ADAMTS3: variants seen among roughly 807,000 people sequenced by gnomAD.
ADAMTS3 encodes ADAM metallopeptidase with thrombospondin type 1 motif 3.
ADAMTS3 carries 73 observed loss-of-function variants against 129.0 expected under a neutral mutation model. The ratio of observed to expected loss-of-function variants is 0.57; its 90% CI spans 0.47 to 0.69. ADAMTS3 has a LOEUF of 0.69. Ranked by LOEUF, ADAMTS3 falls within the 30% of genes least tolerant of loss-of-function variation. The pLI, the probability that ADAMTS3 is intolerant of heterozygous loss-of-function variation, is 0.00. For missense variants in ADAMTS3, 1,457 were observed against 1,514.5 expected, an observed-to-expected ratio of 0.96 and a Z score of 0.63; for synonymous variants, 477 against 510.8, an observed-to-expected ratio of 0.93 and a Z score of 0.89.
At chr4:72,486,310 A>G (rs1719590102) in intron 3 of ADAMTS3, among the ~76,000 whole-genome samples, 1 of 152,208 alleles carries the variant, frequency 6.6e-6, no homozygotes, top group Non-Finnish European at 1.5e-5. Flanking sequence ...ATGTATTTTC[A>G]TCATTGTAGT....
chr4:72,397,963 T>A (rs1721768762), intron 4 of ADAMTS3, among the ~76,000 whole-genome samples: 1 of 152,056 alleles, frequency 6.6e-6, no homozygotes. Context: ...ACTACTGCAT[T>A]GTAGAAGAAG....
At position 72,318,821 on chromosome 4, in the gene ADAMTS3, C is replaced by T. The variant is rs1719469951; in HGVS notation, c.1353-117G>A. On this transcript the variant is annotated intron_variant, in intron 9 of 21. Transcript: ENST00000286657. ...TAGAATTTCATCCCAGATCATACAG[C>T]AAATTTGCAAAAACATGTATTTAAG... 3 of 1,071,482 alleles carry T rather than the reference C, an allele frequency of 2.8e-6. No individual in the cohort carries two copies. In the South Asian group the frequency reaches 5.5e-5, roughly 20 times the overall value. The allele number at this position is 1,071,482 out of a possible 1,614,324, so 66.4% of individuals were successfully genotyped here. A position where few individuals can be genotyped will look rare whatever the true frequency, so the allele number is the denominator to read the frequency against.
chr4:72,538,889 G>A (rs1252960963), intron 3 of ADAMTS3, among the ~76,000 whole-genome samples: 1 of 152,078 alleles, frequency 6.6e-6, no homozygotes, highest in Non-Finnish European at 1.5e-5. Context: ...TTTCAGAAAG[G>A]GGTGCCAAGA....
intron 4 of ADAMTS3, among the ~76,000 whole-genome samples, chr4:72,376,241 G>A (rs1202192555): frequency 6.6e-6 from 1 of 152,138 alleles, no homozygotes; most frequent in African/African-American, 2.4e-5. Flanking sequence ...TAGTTCTTAA[G>A]GCTGGGAGAG....
chr4:72,564,511 C>G (rs1025628888), intron 2 of ADAMTS3, among the ~76,000 whole-genome samples: 2 of 152,124 alleles, frequency 1.3e-5, no homozygotes, highest in African/African-American at 4.8e-5. Flanking sequence ...TACTCAAACA[C>G]ACAGATATAT....
chr4:72,474,172 C>T (rs1356241805), intron 3 of ADAMTS3, among the ~76,000 whole-genome samples: 2 of 152,074 alleles, frequency 1.3e-5, no homozygotes, highest in Non-Finnish European at 2.9e-5. Flanking sequence ...AAAAATCACT[C>T]GTCATATCAA....
At chr4:72,448,454 G>T (rs780966945) in intron 3 of ADAMTS3, among the ~76,000 whole-genome samples, 5 of 151,694 alleles carry the variant, frequency 3.3e-5, no homozygotes, top group African/African-American at 4.8e-5. Flanking sequence ...TAACAAACTG[G>T]TTTATAAGTT....
At chr4:72,533,637 G>T (rs1721105536) in intron 3 of ADAMTS3, among the ~76,000 whole-genome samples, 8 of 151,678 alleles carry the variant, frequency 5.3e-5, no homozygotes, top group African/African-American at 9.7e-5. Context: ...ATATGTATAT[G>T]CACATATGTA....
chr4:72,467,390 T>A (rs933179131), intron 3 of ADAMTS3, among the ~76,000 whole-genome samples: 1 of 152,046 alleles, frequency 6.6e-6, no homozygotes, highest in Non-Finnish European at 1.5e-5. Flanking sequence ...ATTTCAGTGA[T>A]CCTCCTAAAA....
intron 2 of ADAMTS3, among the ~76,000 whole-genome samples, chr4:72,549,375 G>C (rs1181880139): frequency 6.6e-6 from 1 of 152,072 alleles, no homozygotes; most frequent in Admixed American, 6.6e-5. Context: ...TGTATACACT[G>C]TAGCTTACAA....
chr4:72,370,999 T>G (rs940653149), intron 4 of ADAMTS3, among the ~76,000 whole-genome samples: 1 of 152,040 alleles, frequency 6.6e-6, no homozygotes, highest in South Asian at 2.1e-4. Flanking sequence ...AAAAGAGAAA[T>G]GTAGACATAG....
intron 3 of ADAMTS3, among the ~76,000 whole-genome samples, chr4:72,476,926 G>T (rs935323070): frequency 6.6e-6 from 1 of 152,196 alleles, no homozygotes; most frequent in African/African-American, 2.4e-5. Flanking sequence ...ATCAAATGAT[G>T]CAGAAAATAC....
chr4:72,489,163 T>C (rs760094825), intron 3 of ADAMTS3, among the ~76,000 whole-genome samples: 4 of 152,012 alleles, frequency 2.6e-5, no homozygotes, highest in Non-Finnish European at 5.9e-5. Flanking sequence ...TATCCATTCA[T>C]ACATTGACAG....
chr4:72,299,110 T>G (rs988272206), intron 17 of ADAMTS3, among the ~76,000 whole-genome samples: 3 of 150,696 alleles, frequency 2.0e-5, no homozygotes, highest in Non-Finnish European at 3.0e-5. Context: ...TACAGACATA[T>G]TTACTTTCCT....
At chr4:72,502,403 T>C (rs891907988) in intron 3 of ADAMTS3, among the ~76,000 whole-genome samples, 16 of 152,174 alleles carry the variant, frequency 1.1e-4, no homozygotes, top group African/African-American at 3.4e-4. Context: ...TGTGTGTACA[T>C]AGGTGTTCAT....
In ADAMTS3 at chr4:72,320,706, A is replaced by G. The variant is rs1305537770; in HGVS notation, c.1102+8T>C. 6.2e-7 allele frequency: 1 copy of G among 1,612,346 alleles called. No individual in the cohort carries two copies. Among genetic ancestry groups the G allele is most frequent in the African/African-American group, 1.3e-5 (1 of 74,830 alleles). On this transcript the variant is annotated splice_region_variant and intron_variant, in intron 7 of 21. Coordinates refer to ENST00000286657, the MANE Select transcript of ADAMTS3 (RefSeq NM_014243.3). ...TCAAGTATTTCTTCTACATATTGAC[A>G]GCAATACCTTGCATTCCAGCAGGTC...
In ADAMTS3 at chr4:72,540,398, G is replaced by T. The variant is rs555353542; in HGVS notation, c.504+8080C>A. Among the ~76,000 whole-genome samples, 7 of 152,296 alleles carry T rather than the reference G, an allele frequency of 4.6e-5. No individual in the cohort carries two copies. The South Asian group carries it at 1.2e-3, about 27-fold the overall frequency. On this transcript the variant is annotated intron_variant, in intron 3 of 21. Transcript: ENST00000286657. ...TTGTTAATCGCATTCAGTTTTATAAGGTAAGCAGAGCATAGAAGTTTGGAA... is the reference window on the plus strand; with the variant it reads ...TTGTTAATCGCATTCAGTTTTATAATGTAAGCAGAGCATAGAAGTTTGGAA...
intron 3 of ADAMTS3, among the ~76,000 whole-genome samples, chr4:72,517,446 G>A (rs1434031374): frequency 5.9e-5 from 9 of 152,144 alleles, no homozygotes; most frequent in Non-Finnish European, 7.3e-5. Context: ...GTAGAATTCG[G>A]CTGTGAATCC....
At chr4:72,457,773 G>A (rs1048293981) in intron 3 of ADAMTS3, among the ~76,000 whole-genome samples, 1 of 151,634 alleles carries the variant, frequency 6.6e-6, no homozygotes, top group African/African-American at 2.4e-5. Flanking sequence ...ATGAAAGACT[G>A]ATTCAAAACA....
Sources: allele counts gnomAD v4.1 joint callset (sites outside exome capture counted in the v4.1 genomes callset), GRCh38; gene constraint gnomAD v4.1.1; transcripts MANE v1.5; gene names NCBI Gene and HGNC (gene_info 2026-07-23, HGNC 2026-07-21).